Variants in MACROD2 observed in about 807,000 individuals in gnomAD.
The protein encoded by MACROD2 is mono-ADP ribosylhydrolase 2.
MACROD2 carries 36 observed loss-of-function variants against 70.4 expected under a neutral mutation model. The ratio of observed to expected loss-of-function variants is 0.51; its 90% CI spans 0.39 to 0.68. MACROD2 has a LOEUF of 0.68. Among genes scored for constraint, MACROD2 ranks in the 30% least tolerant of loss-of-function variants. The pLI is 0.00. For missense variants in MACROD2, 496 were observed against 538.4 expected, an observed-to-expected ratio of 0.92 and a Z score of 0.78; for synonymous variants, 172 against 178.8, an observed-to-expected ratio of 0.96 and a Z score of 0.30.
intron 5 of MACROD2, among the ~76,000 whole-genome samples, chr20:14,948,824 T>C (rs994178768): frequency 6.6e-6 from 1 of 152,156 alleles, no homozygotes; most frequent in Non-Finnish European, 1.5e-5. Context: ...GTAACAAAAC[T>C]AGGGTTTGAA....
chr20:14,925,754 T>A (rs1011956233), intron 5 of MACROD2, among the ~76,000 whole-genome samples: 1 of 152,232 alleles, frequency 6.6e-6, no homozygotes, highest in Non-Finnish European at 1.5e-5. Context: ...ATGACCTTTT[T>A]ATGTTTATTG....
At chr20:14,359,843 CAG>C (rs1185996239) in intron 3 of MACROD2, among the ~76,000 whole-genome samples, 1 of 151,772 alleles carries the variant, frequency 6.6e-6, no homozygotes, top group Non-Finnish European at 1.5e-5. Context: ...GCCTGGGTGA[CAG>C]AGTGAGACCC....
At chr20:15,547,346 G>A (rs1000697569) in intron 8 of MACROD2, among the ~76,000 whole-genome samples, 8 of 152,128 alleles carry the variant, frequency 5.3e-5, no homozygotes, top group East Asian at 3.9e-4. Context: ...AGCTTTTGGC[G>A]CACTCCAAAT....
chr20:14,955,247 A>C (rs1012781079), intron 5 of MACROD2, among the ~76,000 whole-genome samples: 1 of 138,026 alleles, frequency 7.2e-6, no homozygotes, highest in Non-Finnish European at 1.5e-5. Flanking sequence ...TATTATATAT[A>C]ATTTATATAA....
Position 15,896,536 on chromosome 20 carries a change from C to CTCTT in MACROD2, c.775+10726_775+10727insCTTT, listed in dbSNP as rs1555792107. The stretch of plus-strand genomic sequence containing the variant: ...CCACGCAGTTTGTTAATGTCACAAT[C>CTCTT]TTTTTTTTTTTTTTCTAGAAAAAAC... On this transcript the variant is annotated intron_variant, in intron 10 of 17. Transcript: ENST00000684519. Among the ~76,000 whole-genome samples, 462 of 144,854 alleles carry CTCTT rather than the reference C, an allele frequency of 3.2e-3. 1 individual carries two copies. The highest frequency in any genetic ancestry group is 0.024 in the South Asian group (109 of 4,554).
At chr20:14,628,744 C>G (rs80222266) in intron 4 of MACROD2, 3,608 of 152,266 alleles carry the variant, frequency 0.024, 64 homozygotes, top group Admixed American at 0.037. Context: ...TCCAGGAGCA[C>G]ATATACAGTG....
chr20:14,723,456 T>G (rs2071492952), intron 5 of MACROD2, among the ~76,000 whole-genome samples: 1 of 151,790 alleles, frequency 6.6e-6, no homozygotes, highest in African/African-American at 2.4e-5. Context: ...TTATTGGGCT[T>G]AAAATATATG....
chr20:14,787,947 T>A (rs1042789376), intron 5 of MACROD2, among the ~76,000 whole-genome samples: 3 of 152,086 alleles, frequency 2.0e-5, no homozygotes, highest in African/African-American at 7.3e-5. Flanking sequence ...TACTATATTT[T>A]GGCTTTTTTA....
intron 3 of MACROD2, among the ~76,000 whole-genome samples, chr20:14,377,958 G>T (rs554651808): frequency 7.7e-4 from 117 of 152,262 alleles, no homozygotes; most frequent in African/African-American, 2.6e-3. Flanking sequence ...TTGGACATCA[G>T]TCCATGATGT....
chr20:14,696,404 T>C (rs190137905), intron 5 of MACROD2, among the ~76,000 whole-genome samples: 34 of 152,292 alleles, frequency 2.2e-4, no homozygotes, highest in Admixed American at 1.4e-3. Context: ...TAATTCAGTT[T>C]CTGTCCTCTG....
intron 8 of MACROD2, among the ~76,000 whole-genome samples, chr20:15,769,025 T>C (rs1194522946): frequency 6.6e-6 from 1 of 152,218 alleles, no homozygotes; most frequent in Non-Finnish European, 1.5e-5. Flanking sequence ...TGAAGGACCT[T>C]CCTGAGGCTG....
intron 5 of MACROD2, among the ~76,000 whole-genome samples, chr20:14,809,871 C>T (rs1047688249): frequency 4.6e-5 from 7 of 151,808 alleles, no homozygotes; most frequent in Non-Finnish European, 8.8e-5. Context: ...ACACTGCCCC[C>T]GCAAGATTAA....
At chr20:14,485,246 C>A (rs933239544) in intron 3 of MACROD2, among the ~76,000 whole-genome samples, 14 of 152,208 alleles carry the variant, frequency 9.2e-5, no homozygotes, top group African/African-American at 3.4e-4. Flanking sequence ...AAGTGCCCAT[C>A]AGTAATGGGA....
At chr20:14,192,717 G>A (rs575891925) in intron 3 of MACROD2, among the ~76,000 whole-genome samples, 4 of 152,292 alleles carry the variant, frequency 2.6e-5, no homozygotes, top group South Asian at 2.1e-4. Flanking sequence ...TAAACTGCTC[G>A]TTGATCTCTG....
intron 6 of MACROD2, among the ~76,000 whole-genome samples, chr20:15,358,826 A>T (rs1189619079): frequency 6.7e-6 from 1 of 150,342 alleles, no homozygotes; most frequent in Non-Finnish European, 1.5e-5. Flanking sequence ...TTTTTTTACA[A>T]GGGCATTAAT....
intron 2 of MACROD2, among the ~76,000 whole-genome samples, chr20:14,046,106 AATCATTAAACTGAAGAAGTACG>A (rs1185175117): frequency 1.3e-5 from 2 of 152,234 alleles, no homozygotes; most frequent in African/African-American, 4.8e-5. Flanking sequence ...TTAAAGTGTG[AATCATTAAACTGAAGAAGTACG>A]ATTAATGCAG....
intron 10 of MACROD2, among the ~76,000 whole-genome samples, chr20:15,892,242 G>A (rs1349241543): frequency 6.6e-6 from 1 of 152,166 alleles, no homozygotes; most frequent in African/African-American, 2.4e-5. Context: ...GAAGATGTAA[G>A]TCATGAGCTC....
intron 5 of MACROD2, among the ~76,000 whole-genome samples, chr20:15,094,085 T>C (rs2075811498): frequency 6.6e-6 from 1 of 152,184 alleles, no homozygotes; most frequent in Non-Finnish European, 1.5e-5. Flanking sequence ...TGAATTCACA[T>C]TAATTCTTGA....
chr20:14,160,331 G>T (rs1486000007), intron 3 of MACROD2, among the ~76,000 whole-genome samples: 1 of 152,102 alleles, frequency 6.6e-6, no homozygotes, highest in African/African-American at 2.4e-5. Flanking sequence ...GTAGAATTCG[G>T]CATTGAAGCC....
Sources: allele counts gnomAD v4.1 joint callset (sites outside exome capture counted in the v4.1 genomes callset), GRCh38; gene constraint gnomAD v4.1.1; transcripts MANE v1.5; gene names NCBI Gene and HGNC (gene_info 2026-07-23, HGNC 2026-07-21).